Variants in SULT2A1 observed in about 807,000 individuals in gnomAD.
The protein encoded by SULT2A1 is sulfotransferase 2A1.
In SULT2A1, 43 loss-of-function variants were observed where a neutral mutation model predicts 33.9. The observed-to-expected ratio is 1.27, with a 90% CI of 1.00 to 1.64. SULT2A1 has a LOEUF of 1.64. Among genes scored for constraint, SULT2A1 ranks in the 40% most tolerant of loss-of-function variants. SULT2A1 has a pLI of 0.00. For synonymous variants in SULT2A1, 125 were observed against 113.6 expected (o/e 1.10, Z -0.64); for missense variants, 300 against 335.1 (o/e 0.90, Z 0.82).
intron 5 of SULT2A1, among the ~76,000 whole-genome samples, chr19:47,873,042 G>T (rs10048437): frequency 0.03 from 4,611 of 151,228 alleles, 241 homozygotes; most frequent in African/African-American, 0.11. Flanking sequence ...GATTACAGGC[G>T]TGAGCCACCG....
chr19:47,884,829 T>C (rs911960574), intron 1 of SULT2A1, among the ~76,000 whole-genome samples: 2 of 145,510 alleles, frequency 1.4e-5, no homozygotes, highest in Admixed American at 6.9e-5. Context: ...TTTTTTTTTT[T>C]TGAGACAGAG....
intron 1 of SULT2A1, 44 bp from the exon 2 acceptor site, chr19:47,883,829 C>T (rs761434227): frequency 1.3e-6 from 2 of 1,573,126 alleles, no homozygotes; most frequent in South Asian, 1.1e-5. Flanking sequence ...ACCATCTCAG[C>T]CGGACATGGT....
At chr19:47,881,590 G>A (rs1194865022) in intron 3 of SULT2A1, among the ~76,000 whole-genome samples, 1 of 152,122 alleles carries the variant, frequency 6.6e-6, no homozygotes, top group African/African-American at 2.4e-5. Context: ...GAGGCTCATA[G>A]AGTTTTGAGA....
intron 1 of SULT2A1, among the ~76,000 whole-genome samples, chr19:47,885,388 A>T (rs1176871162): frequency 1.3e-5 from 2 of 151,946 alleles, no homozygotes; most frequent in African/African-American, 4.8e-5. Context: ...AATGTCCTTG[A>T]TGTTTATCTC....
rs1161768775 is a variant in SULT2A1, at chr19:47,883,772, C to T, written c.150G>A (p.Leu50=). ...LTYPKSGTNW[L]AEILCLMHSK... ...AGTGCATCAGGCAGAGAATCTCAGCCAACCAGTTTGTTCCTGGAAAAAGAA... is the reference window on the plus strand; with the variant it reads ...AGTGCATCAGGCAGAGAATCTCAGCTAACCAGTTTGTTCCTGGAAAAAGAA... Residue 50 remains leucine (L), a synonymous_variant, in exon 2 of 6, where the codon TTG becomes TTA. Transcript: ENST00000222002. The T allele has an allele frequency of 6.2e-7, 1 of 1,613,878 alleles. No individual in the cohort carries two copies. The highest frequency in any genetic ancestry group is 8.5e-7 in the Non-Finnish European group (1 of 1,179,978).
intron 4 of SULT2A1, 30 bp from the exon 5 acceptor site, chr19:47,874,864 C>T (rs767910016): frequency 1.1e-5 from 17 of 1,599,700 alleles, no homozygotes; most frequent in African/African-American, 6.7e-5. Context: ...AGAGAGGATA[C>T]GAAAGAGAAA....
Position 47,883,794 on chromosome 19 carries a change from A to G in SULT2A1, c.137-9T>C. 6.2e-7 allele frequency: 1 copy of G among 1,613,394 alleles called. No homozygotes were observed. ...AGCCAACCAGTTTGTTCCTGGAAAA[A>G]GAAGGAAAAAAATATATAAAATGTA... is the stretch of plus-strand genomic sequence containing the variant. On this transcript the variant is annotated splice_polypyrimidine_tract_variant and intron_variant, in intron 1 of 5. Transcript: ENST00000222002.
chr19:47,882,026 T>A (rs1290887900), intron 3 of SULT2A1, 58 bp downstream of exon 3: 1 of 1,598,700 alleles, frequency 6.3e-7, no homozygotes, highest in African/African-American at 1.4e-5. Context: ...TGAGGCTGGG[T>A]GTCAAAAGAG....
rs62530970 is a variant in SULT2A1 at position 47,880,759 on chromosome 19, T to A, written c.472+1325A>T. Among the ~76,000 whole-genome samples, 47 of 152,178 alleles carry A rather than the reference T, an allele frequency of 3.1e-4. 2 individuals carry two copies. In the East Asian group the frequency reaches 9.1e-3, roughly 29 times the overall value. ...ATGCCACCACACTCGGCTAATTTTT[T>A]GTATTTTTAATAGAGATAGGGCTTT... On this transcript the variant is annotated intron_variant, in intron 3 of 5. Transcript: ENST00000222002.
rs756422135 is a variant in SULT2A1, at chr19:47,883,757, G to A, written c.165C>T (p.Cys55=). 11 of 1,613,926 alleles carry A rather than the reference G, an allele frequency of 6.8e-6. No individual in the cohort carries two copies. The Admixed American group carries it at 1.7e-4, about 24-fold the overall frequency. ...TGGCATCCCCCTTGGAGTGCATCAG[G>A]CAGAGAATCTCAGCCAACCAGTTTG... The part of the protein sequence containing the change: ...SGTNWLAEIL[C]LMHSKGDAKW... The change falls in exon 2 of 6, where the codon TGC becomes TGT. Residue 55 remains cysteine, a synonymous_variant. Transcript: ENST00000222002.
intron 3 of SULT2A1, among the ~76,000 whole-genome samples, chr19:47,880,893 T>C (rs1175724267): frequency 1.3e-5 from 2 of 151,908 alleles, no homozygotes; most frequent in South Asian, 4.2e-4. Context: ...ATGGTAGGAC[T>C]TAATTAATAA....
At chr19:47,875,022 T>A (rs1218749997) in intron 4 of SULT2A1, among the ~76,000 whole-genome samples, 188 bp from the exon 5 acceptor site, 2 of 149,406 alleles carry the variant, frequency 1.3e-5, no homozygotes, top group East Asian at 4.0e-4. Context: ...ATTGGCAGGG[T>A]GTGGTGGTGG....
intron 2 of SULT2A1, among the ~76,000 whole-genome samples, chr19:47,883,220 T>C (rs1319081846): frequency 6.6e-6 from 1 of 152,044 alleles, no homozygotes. Flanking sequence ...GAGGCATTTG[T>C]TGAATTCAGA....
In SULT2A1 at chr19:47,879,122, C is replaced by A. The variant is rs757683079; in HGVS notation, c.481G>T (p.Gly161Trp). 7.6e-5 allele frequency: 122 copies of A among 1,610,304 alleles called. No individual in the cohort carries two copies. Among genetic ancestry groups the A allele is most frequent in the Non-Finnish European group, 1.0e-4 (118 of 1,176,770 alleles). ...EWFCQGTVLY[G>W]SWFDHIHGWM... Reference sequence around the variant, plus strand: ...CCATGAATGTGGTCAAACCATGACCCATATAGCACTGCATGGGGTGGCAGA... The same window carrying A: ...CCATGAATGTGGTCAAACCATGACCAATATAGCACTGCATGGGGTGGCAGA... Residue 161 changes from glycine to tryptophan, a missense_variant, in exon 4 of 6, where the codon GGG becomes TGG. Physicochemically the swap from Gly to Trp is radical, Grantham distance 184. Transcript: ENST00000222002.
intron 3 of SULT2A1, among the ~76,000 whole-genome samples, chr19:47,881,487 T>A (rs1968603319): frequency 6.6e-6 from 1 of 152,122 alleles, no homozygotes; most frequent in Admixed American, 6.6e-5. Flanking sequence ...GGTGTTCAAA[T>A]TTGAGTGTAC....
chr19:47,883,807 T>A (rs768300513), intron 1 of SULT2A1, 22 bp from the exon 2 acceptor site: 4 of 1,609,694 alleles, frequency 2.5e-6, no homozygotes, highest in Admixed American at 3.3e-5. Flanking sequence ...AGGAAAAAAA[T>A]ATATAAAATG....
chr19:47,883,216 T>C lies in SULT2A1; in HGVS notation c.345+361A>G, dbSNP rs62529857. ...TGTGTCTTTTCTGTGGCAGGAGGCA[T>C]TTGTTGAATTCAGATTGGCTAATTA... On this transcript the variant is annotated intron_variant, in intron 2 of 5. Transcript: ENST00000222002. Among the ~76,000 whole-genome samples, 1,105 of 152,042 alleles carry C rather than the reference T, an allele frequency of 7.3e-3. 12 individuals carry two copies. Among genetic ancestry groups the C allele is most frequent in the African/African-American group, 0.024 (1,007 of 41,480 alleles).
chr19:47,878,825 A>G (rs1968573602), intron 4 of SULT2A1, among the ~76,000 whole-genome samples: 1 of 152,024 alleles, frequency 6.6e-6, no homozygotes. Flanking sequence ...TAGATGTTTT[A>G]AGATAAAATA....
intron 5 of SULT2A1, among the ~76,000 whole-genome samples, chr19:47,873,614 CTTTTTTTTTTTTTTTTTTT>C (rs61271763): frequency 0.015 from 956 of 62,162 alleles, 13 homozygotes; most frequent in Non-Finnish European, 0.015. Flanking sequence ...GGACAGATCT[CTTTTTTTTTTTTTTTTTTT>C]TTTTTTTTGA....
Sources: gnomAD v4.1 joint callset for allele counts (sites outside exome capture counted in the v4.1 genomes callset) on GRCh38, gnomAD v4.1.1 for gene constraint, MANE v1.5 for transcripts, NCBI Gene and HGNC (gene_info 2026-07-23, HGNC 2026-07-21) for gene names.